The following RGS17 variants were observed in gnomAD, a reference collection of about 807,000 sequenced individuals.
The protein encoded by RGS17 is regulator of G-protein signaling 17.
In RGS17, 12 loss-of-function variants were observed where a neutral mutation model predicts 25.5. The ratio of observed to expected loss-of-function variants is 0.47; its 90% confidence interval spans 0.30 to 0.76. The LOEUF is 0.76. RGS17 is among the 30% of genes least tolerant of loss of function. The pLI is 0.07. For missense variants in RGS17, 196 were observed against 242.2 expected (o/e 0.81, Z 1.27); for synonymous variants, 71 against 76.9 (o/e 0.92, Z 0.40).
intron 1 of RGS17, among the ~76,000 whole-genome samples, chr6:153,058,212 A>G (rs1286163194): frequency 6.6e-6 from 1 of 152,220 alleles, no homozygotes; most frequent in African/African-American, 2.4e-5. Flanking sequence ...AGAGTTGTTC[A>G]TAATGTTGCC....
chr6:153,058,782 A>G (rs887355932), intron 1 of RGS17, among the ~76,000 whole-genome samples: 18 of 152,170 alleles, frequency 1.2e-4, no homozygotes, highest in African/African-American at 2.9e-4. Flanking sequence ...AAGCCAGCAT[A>G]TATCTATGCA....
chr6:153,079,903 G>A (rs1201048616), intron 1 of RGS17, among the ~76,000 whole-genome samples: 3 of 151,988 alleles, frequency 2.0e-5, no homozygotes. Context: ...CCAGTTATTT[G>A]GACCTTATTT....
intron 1 of RGS17, among the ~76,000 whole-genome samples, chr6:153,069,752 G>GTGTGTGTT (rs933538521): frequency 1.5e-4 from 22 of 151,428 alleles, no homozygotes; most frequent in East Asian, 3.9e-4. Flanking sequence ...GTGTGTGTGT[G>GTGTGTGTT]TGTGTGTGTG....
At chr6:153,127,661 T>A (rs1777723373) in intron 1 of RGS17, among the ~76,000 whole-genome samples, 1 of 152,192 alleles carries the variant, frequency 6.6e-6, no homozygotes, top group Non-Finnish European at 1.5e-5. Context: ...GGATCTAAGA[T>A]AAGCAAATAT....
intron 1 of RGS17, among the ~76,000 whole-genome samples, chr6:153,045,731 G>A (rs997710950): frequency 1.7e-4 from 26 of 152,104 alleles, no homozygotes; most frequent in Admixed American, 1.3e-4. Flanking sequence ...CTGATCAAAT[G>A]CTAATAACAG....
intron 1 of RGS17, among the ~76,000 whole-genome samples, chr6:153,055,052 A>T (rs927334537): frequency 6.6e-6 from 1 of 152,212 alleles, no homozygotes; most frequent in Non-Finnish European, 1.5e-5. Flanking sequence ...GAGCAGGCGG[A>T]AGATGCACTA....
chr6:153,040,567 G>A (rs368807409), intron 2 of RGS17, among the ~76,000 whole-genome samples: 3 of 151,502 alleles, frequency 2.0e-5, no homozygotes, highest in Non-Finnish European at 2.9e-5. Context: ...TCCCATTCAC[G>A]AATGACAGTT....
At position 153,080,685 on chromosome 6, in the gene RGS17, T is replaced by C. The variant is rs186636991; in HGVS notation, c.-25-36642A>G. Among the ~76,000 whole-genome samples the C allele has an allele frequency of 3.9e-5, 6 of 152,276 alleles. No individual in the cohort carries two copies. The East Asian group carries it at 1.2e-3, about 29-fold the overall frequency. On this transcript the variant is annotated intron_variant, in intron 1 of 4. Transcript: ENST00000206262. ...ATTTTAGCTTATTTTTTTGAAATTGTAGGTAATTGAGTTCTTTCTTCCTTA... is the reference window on the plus strand; with the variant it reads ...ATTTTAGCTTATTTTTTTGAAATTGCAGGTAATTGAGTTCTTTCTTCCTTA...
At chr6:153,089,686 C>T (rs1327007946) in intron 1 of RGS17, among the ~76,000 whole-genome samples, 1 of 151,964 alleles carries the variant, frequency 6.6e-6, no homozygotes, top group East Asian at 1.9e-4. Context: ...TCTGCTATCA[C>T]TGCATATTTT....
chr6:153,112,791 T>C (rs1356442312), intron 1 of RGS17, among the ~76,000 whole-genome samples: 2 of 152,106 alleles, frequency 1.3e-5, no homozygotes, highest in Non-Finnish European at 2.9e-5. Flanking sequence ...AGAAAGCAAT[T>C]TTCAAACCAG....
intron 3 of RGS17, 112 bp from the exon 4 acceptor site, chr6:153,024,608 G>A (rs1351518095): frequency 1.0e-5 from 8 of 778,130 alleles, no homozygotes; most frequent in Non-Finnish European, 1.3e-5. Flanking sequence ...CCATCTAGTG[G>A]TCAGTATTTT....
intron 1 of RGS17, among the ~76,000 whole-genome samples, chr6:153,096,887 G>A (rs1352476412): frequency 6.6e-6 from 1 of 151,912 alleles, no homozygotes; most frequent in Non-Finnish European, 1.5e-5. Flanking sequence ...GAAAAACATG[G>A]CCCAAAGTGG....
chr6:153,089,432 T>C (rs1441619228), intron 1 of RGS17, among the ~76,000 whole-genome samples: 1 of 152,168 alleles, frequency 6.6e-6, no homozygotes, highest in Admixed American at 6.5e-5. Context: ...ACTGTAATGC[T>C]GGTGATTAAG....
At chr6:153,097,698 T>C (rs1203197602) in intron 1 of RGS17, among the ~76,000 whole-genome samples, 9 of 151,802 alleles carry the variant, frequency 5.9e-5, no homozygotes, top group African/African-American at 9.7e-5. Context: ...ACAAGATCAC[T>C]AGGAAAGAGA....
intron 4 of RGS17, among the ~76,000 whole-genome samples, chr6:153,021,945 C>T (rs1246690189): frequency 6.6e-6 from 1 of 152,198 alleles, no homozygotes; most frequent in Non-Finnish European, 1.5e-5. Flanking sequence ...CAGTGGCTCA[C>T]ACCCGTAATC....
At chr6:153,026,220 T>A (rs1030498219) in intron 3 of RGS17, among the ~76,000 whole-genome samples, 1 of 152,174 alleles carries the variant, frequency 6.6e-6, no homozygotes, top group Non-Finnish European at 1.5e-5. Context: ...TTATTTTTTT[T>A]AAAGAGAAAA....
At chr6:153,066,503 G>A (rs1227329433) in intron 1 of RGS17, among the ~76,000 whole-genome samples, 2 of 152,016 alleles carry the variant, frequency 1.3e-5, no homozygotes, top group Non-Finnish European at 2.9e-5. Flanking sequence ...CATGAGGCCA[G>A]TATTATCTTG....
intron 3 of RGS17, 41 bp from the exon 4 acceptor site, chr6:153,024,537 TGACCAGTGAATGCTA>T (rs1286559080): frequency 1.4e-6 from 2 of 1,442,370 alleles, no homozygotes; most frequent in Non-Finnish European, 9.8e-7. Flanking sequence ...GGGAACTTTG[TGACCAGTGAATGCTA>T]GACCAGGTAA....
At chr6:153,064,125 TTAATAAG>T (rs1042779904) in intron 1 of RGS17, among the ~76,000 whole-genome samples, 2 of 152,084 alleles carry the variant, frequency 1.3e-5, no homozygotes, top group Admixed American at 1.3e-4. Flanking sequence ...GAAAAGGAAG[TTAATAAG>T]TAATAAGTAA....
Sources: allele counts gnomAD v4.1 joint callset (sites outside exome capture counted in the v4.1 genomes callset), GRCh38; gene constraint gnomAD v4.1.1; transcripts MANE v1.5; gene names NCBI Gene and HGNC (gene_info 2026-07-23, HGNC 2026-07-21).